The following TBC1D20 variants were observed in gnomAD, a reference collection of about 807,000 sequenced individuals.
The protein encoded by TBC1D20 is TBC1 domain family member 20, also known as chromosome 20 open reading frame 140.
Under a neutral mutation model 41.6 loss-of-function variants are expected in TBC1D20, and 12 were observed. The ratio of observed to expected loss-of-function variants is 0.29; its 90% CI spans 0.18 to 0.47. The LOEUF is 0.47. Among genes scored for constraint, TBC1D20 ranks in the 20% least tolerant of loss-of-function variants. The probability of loss-of-function intolerance (pLI) is 1.00; values close to 1 mark genes in which losing one functional copy is unlikely to be tolerated. For synonymous variants in TBC1D20, 205 were observed against 204.8 expected (o/e 1.00, Z -0.01); for missense variants, 421 against 517.4 (o/e 0.81, Z 1.81).
chr20:440,020 C>T (rs2017195510), intron 6 of TBC1D20, among the ~76,000 whole-genome samples: 1 of 152,186 alleles, frequency 6.6e-6, no homozygotes, highest in Admixed American at 6.5e-5. Flanking sequence ...TCAGAAGTGT[C>T]ATGCAGCAAA....
chr20:445,182 G>A, intron 2 of TBC1D20, 52 bp from the exon 3 acceptor site: 6 of 1,401,664 alleles, frequency 4.3e-6, no homozygotes, highest in Non-Finnish European at 6.0e-6. Flanking sequence ...AGCCAGACCA[G>A]AAGCAAAACA....
At chr20:442,368 G>C (rs536020800) in intron 3 of TBC1D20, among the ~76,000 whole-genome samples, 1 of 152,324 alleles carries the variant, frequency 6.6e-6, no homozygotes, top group Admixed American at 6.5e-5. Context: ...ACAGAGCTCA[G>C]CATCATGTCT....
chr20:451,101 A>G (rs112843561), intron 1 of TBC1D20, among the ~76,000 whole-genome samples: 2 of 152,242 alleles, frequency 1.3e-5, no homozygotes, highest in African/African-American at 4.8e-5. Context: ...CATGCAGACA[A>G]TAATGGCCAA....
At chr20:443,064 C>T (rs760549299) in intron 3 of TBC1D20, among the ~76,000 whole-genome samples, 2 of 151,980 alleles carry the variant, frequency 1.3e-5, no homozygotes, top group Non-Finnish European at 2.9e-5. Flanking sequence ...CGTGCCACTG[C>T]ACTGCAGCCC....
rs551987596 is a variant in TBC1D20, at chr20:437,641, C to T, written c.*945G>A. 2 of 153,288 alleles carry T rather than the reference C, an allele frequency of 1.3e-5. No homozygotes were observed. The highest frequency in any genetic ancestry group is 4.2e-4 in the South Asian group (2 of 4,818). 9.5% of individuals were successfully genotyped at this position (153,288 alleles called of 1,614,324 possible). A position where few individuals can be genotyped will look rare whatever the true frequency, so the allele number is the denominator to read the frequency against. On this transcript the variant is annotated 3_prime_UTR_variant, in exon 8 of 8. Coordinates refer to ENST00000354200, the MANE Select transcript of TBC1D20 (RefSeq NM_144628.4). ...GATTTGAGGAAAACAGGAAGAAAAA[C>T]CGGTCAGAAAGTGGCACTTTGGAAG...
intron 1 of TBC1D20, among the ~76,000 whole-genome samples, chr20:449,285 TAAAAA>T (rs1169245536): frequency 1.6e-4 from 9 of 56,930 alleles, no homozygotes; most frequent in African/African-American, 4.6e-4. Flanking sequence ...CCCAATACAT[TAAAAA>T]AAAAAAAAAA....
At chr20:462,310 C>T in intron 1 of TBC1D20, 26 bp downstream of exon 1, 1 of 1,275,652 alleles carries the variant, frequency 7.8e-7, no homozygotes, top group Non-Finnish European at 1.0e-6. Flanking sequence ...GCAGGCCGCT[C>T]CCGGCGCCCC....
chr20:443,787 T>C (rs1460395718), intron 3 of TBC1D20, among the ~76,000 whole-genome samples: 2 of 152,086 alleles, frequency 1.3e-5, no homozygotes, highest in Non-Finnish European at 2.9e-5. Flanking sequence ...GTATCACAGA[T>C]ATTACATCAA....
At chr20:451,399 C>A (rs539170781) in intron 1 of TBC1D20, among the ~76,000 whole-genome samples, 3 of 152,076 alleles carry the variant, frequency 2.0e-5, no homozygotes, top group African/African-American at 7.2e-5. Flanking sequence ...ATACAAAAAA[C>A]TAGCCGGGCA....
chr20:452,869 G>C (rs973273464), intron 1 of TBC1D20, among the ~76,000 whole-genome samples: 1 of 152,136 alleles, frequency 6.6e-6, no homozygotes, highest in African/African-American at 2.4e-5. Context: ...CAAAAACAAG[G>C]CTGGGCACGG....
At chr20:454,302 A>T (rs973722116) in intron 1 of TBC1D20, among the ~76,000 whole-genome samples, 1 of 151,906 alleles carries the variant, frequency 6.6e-6, no homozygotes, top group East Asian at 1.9e-4. Context: ...AAGGAAAAAA[A>T]AAAGTGTACG....
At chr20:457,156 G>A (rs1450714287) in intron 1 of TBC1D20, among the ~76,000 whole-genome samples, 8 of 151,786 alleles carry the variant, frequency 5.3e-5, no homozygotes, top group South Asian at 2.1e-4. Context: ...GGCTGGTCTC[G>A]AACTCCCCAC....
chr20:444,762 T>C (rs962320347), intron 3 of TBC1D20, among the ~76,000 whole-genome samples: 8 of 152,304 alleles, frequency 5.3e-5, no homozygotes, highest in Admixed American at 3.3e-4. Context: ...ATCTGCTCTT[T>C]AATGCCAGAC....
chr20:441,858 T>C lies in TBC1D20; in HGVS notation c.523A>G (p.Arg175Gly). 6.2e-7 allele frequency: 1 copy of C among 1,613,498 alleles called. No homozygotes were observed. Among genetic ancestry groups the C allele is most frequent in the Non-Finnish European group, 8.5e-7 (1 of 1,179,614 alleles). ...LVEKLSTHHLRDFMDPTMDNT... is the reference protein window; with the variant it reads ...LVEKLSTHHLGDFMDPTMDNT... ...TCTTGTGTTCCTCTCTACTGGTACC[T>C]GAGGTGGTGGGTAGATAATTTTTCT... The change falls in exon 4 of 8, where the codon AGG (arginine) becomes GGG (glycine). Residue 175 changes from arginine (R) to glycine (G), a missense_variant and splice_region_variant. This residue lies in a region of TBC1D20 where 110 missense variants were observed against 183.5 expected (regional missense o/e 0.60). Coordinates refer to ENST00000354200, the MANE Select transcript of TBC1D20 (RefSeq NM_144628.4).
In TBC1D20 at chr20:437,109, A is replaced by G. The variant is rs1216508019; in HGVS notation, c.*1477T>C. 1 of 152,236 alleles carries G rather than the reference A, an allele frequency of 6.6e-6. No homozygotes were observed. The highest frequency in any genetic ancestry group is 2.4e-5 in the African/African-American group (1 of 41,420). The allele number at this position is 152,236 out of a possible 1,614,324, so 9.4% of individuals were successfully genotyped here. A position where few individuals can be genotyped will look rare whatever the true frequency, so the allele number is the denominator to read the frequency against. The stretch of plus-strand genomic sequence containing the variant: ...AGCCTGGGCAACAGAGTGAGACTCC[A>G]TCTCAGAAAAAAGAAAATAATAATA... On this transcript the variant is annotated 3_prime_UTR_variant, in exon 8 of 8. Transcript: ENST00000354200.
intron 1 of TBC1D20, among the ~76,000 whole-genome samples, chr20:449,492 G>A (rs2017405552): frequency 1.5e-5 from 1 of 67,364 alleles, no homozygotes; most frequent in Non-Finnish European, 2.7e-5. Context: ...CTACTCGGGA[G>A]GCTGAGGCAG....
In TBC1D20 at chr20:462,315, C is replaced by T. The variant is rs1199560253; in HGVS notation, c.70+21G>A. ...GGCCGCCCTCGCAGGCCGCTCCCGG[C>T]GCCCCGGTCGGCTTCCGTACCTGCC... On this transcript the variant is annotated intron_variant, in intron 1 of 7. Coordinates refer to ENST00000354200, the MANE Select transcript of TBC1D20 (RefSeq NM_144628.4). 21 of 1,279,572 alleles carry T rather than the reference C, an allele frequency of 1.6e-5. No homozygotes were observed. The African/African-American group carries it at 3.3e-4, about 20-fold the overall frequency. The allele number at this position is 1,279,572 out of a possible 1,614,324, so 79.3% of individuals were successfully genotyped here.
chr20:451,861 T>C (rs2122412262), intron 1 of TBC1D20, among the ~76,000 whole-genome samples: 1 of 152,334 alleles, frequency 6.6e-6, no homozygotes, highest in East Asian at 1.9e-4. Context: ...CTCTTAATGA[T>C]GGTTTGAGCC....
intron 6 of TBC1D20, 40 bp downstream of exon 6, chr20:440,208 T>C (rs1321494562): frequency 6.2e-7 from 1 of 1,602,218 alleles, no homozygotes; most frequent in Non-Finnish European, 8.5e-7. Context: ...GTGGGATGGG[T>C]GATGGTGAAC....
Sources: gnomAD v4.1 joint callset for allele counts (sites outside exome capture counted in the v4.1 genomes callset) on GRCh38, gnomAD v4.1.1 for gene constraint, gnomAD v4.1.1 regional missense constraint, MANE v1.5 for transcripts, NCBI Gene and HGNC (gene_info 2026-07-23, HGNC 2026-07-21) for gene names.